Variants in ATP13A2 observed in about 807,000 individuals in gnomAD.
The protein encoded by ATP13A2 is polyamine-transporting ATPase 13A2.
In ATP13A2, 83 loss-of-function variants were observed where a neutral mutation model predicts 138.3. That is an observed-to-expected ratio of 0.60 (90% CI 0.50 to 0.72). The LOEUF is 0.72. ATP13A2 is among the 30% of genes least tolerant of loss of function. ATP13A2 has a pLI of 0.00. For synonymous variants in ATP13A2, 663 were observed against 699.0 expected, an observed-to-expected ratio of 0.95 and a Z score of 0.81; for missense variants, 1,402 against 1,606.4, an observed-to-expected ratio of 0.87 and a Z score of 2.17.
At chr1:16,990,430 C>T (rs2076890423) in intron 20 of ATP13A2, 143 bp from the exon 21 acceptor site, 15 of 1,076,476 alleles carry the variant, frequency 1.4e-5, no homozygotes, top group Middle Eastern at 3.1e-4. Flanking sequence ...ACCAACATCC[C>T]TTTGCCTCAG....
Position 16,991,743 on chromosome 1 carries a change from T to C in ATP13A2, c.2242A>G (p.Met748Val). The stretch of plus-strand genomic sequence containing the variant: ...CTACATGCCATTGTACCTGTCACCA[T>C]GACGGCGCGGATGCGGGTCCTTCGC... ...ALRRTRIRAVMVTGDNLQTAV... is the reference protein window; with the variant it reads ...ALRRTRIRAVVVTGDNLQTAV... The change falls in exon 20 of 29, where the codon ATG becomes GTG. Residue 748 changes from methionine (M) to valine (V), a missense_variant. Transcript: ENST00000326735. 1 of 1,614,152 alleles carries C rather than the reference T, an allele frequency of 6.2e-7. No homozygotes were observed. Among genetic ancestry groups the C allele is most frequent in the Non-Finnish European group, 8.5e-7 (1 of 1,180,040 alleles).
intron 15 of ATP13A2, among the ~76,000 whole-genome samples, chr1:16,994,686 G>A (rs896954468): frequency 6.0e-5 from 9 of 150,670 alleles, no homozygotes; most frequent in South Asian, 2.1e-4. Flanking sequence ...TTTTTGAGAC[G>A]GAGTCTCACT....
At chr1:16,992,217 G>A (rs371240536) in intron 18 of ATP13A2, 26 bp downstream of exon 18, 65 of 1,611,936 alleles carry the variant, frequency 4.0e-5, no homozygotes, top group Non-Finnish European at 5.0e-5. Flanking sequence ...GCCCAACCAG[G>A]GGGACTCAGG....
At position 17,004,974 on chromosome 1, in the gene ATP13A2, T is replaced by C. The variant is rs538980295; in HGVS notation, c.347+40A>G. 42 of 1,612,676 alleles carry C rather than the reference T, an allele frequency of 2.6e-5. 2 individuals carry two copies. In the South Asian group the frequency reaches 4.5e-4, roughly 17 times the overall value. ...GTTGGGGAAGTTGGGGAGGCCAGGG[T>C]AGCAGGGGCTTCTGGGAAGGGGCAA... On this transcript the variant is annotated intron_variant, in intron 4 of 28. Transcript: ENST00000326735. The surrounding 1 kb of genome is among the most constrained non-coding windows in gnomAD (Gnocchi z 4.1).
intron 1 of ATP13A2, among the ~76,000 whole-genome samples, chr1:17,008,777 G>A (rs944787157): frequency 5.3e-5 from 8 of 152,038 alleles, no homozygotes; most frequent in East Asian, 1.9e-4. Context: ...TGGCTAACAC[G>A]GTGAAACCCT....
chr1:17,008,962 A>G (rs2077673560), intron 1 of ATP13A2, among the ~76,000 whole-genome samples: 1 of 151,158 alleles, frequency 6.6e-6, no homozygotes, highest in Non-Finnish European at 1.5e-5. Flanking sequence ...AGACTCAAAA[A>G]AAAAAAAAAA....
Position 17,004,224 on chromosome 1 carries a change from A to G in ATP13A2, c.557+108T>C. 5 of 1,204,394 alleles carry G rather than the reference A, an allele frequency of 4.2e-6. No individual in the cohort carries two copies. Among genetic ancestry groups the G allele is most frequent in the Non-Finnish European group, 4.8e-6 (4 of 831,456 alleles). The allele number at this position is 1,204,394 out of a possible 1,614,324, so 74.6% of individuals were successfully genotyped here. A position where few individuals can be genotyped will look rare whatever the true frequency, so the allele number is the denominator to read the frequency against. On this transcript the variant is annotated intron_variant, in intron 6 of 28. Coordinates refer to ENST00000326735, the MANE Select transcript of ATP13A2 (RefSeq NM_022089.4). This position sits in a 1 kb window ranked among gnomAD's most constrained non-coding sequence, Gnocchi z 4.1. ...AACCTGCCCAAGGTTTCAGACAGCA[A>G]AAGCATCAGAGCTGAGAGGGGAGCC...
rs540833122 is a variant in ATP13A2, at chr1:16,986,703, A to G, written c.3236-71T>C. 6.4e-7 allele frequency: 1 copy of G among 1,569,038 alleles called. No individual in the cohort carries two copies. Among genetic ancestry groups the G allele is most frequent in the East Asian group, 2.3e-5 (1 of 42,676 alleles). On this transcript the variant is annotated intron_variant, in intron 27 of 28. Coordinates refer to ENST00000326735, the MANE Select transcript of ATP13A2 (RefSeq NM_022089.4). The surrounding 1 kb of genome is among the most constrained non-coding windows in gnomAD (Gnocchi z 6.9). ...ACCCACAGACACACGTGTGCACGCC[A>G]GTCTTCCACTCGGCCGGCACCTCTC...
chr1:17,010,205 G>C lies in ATP13A2; in HGVS notation c.10+1524C>G, dbSNP rs533637092. 1.1e-3 allele frequency among the ~76,000 whole-genome samples: 169 copies of C among 151,380 alleles called. 1 individual carries two copies. The highest frequency in any genetic ancestry group is 3.9e-3 in the African/African-American group (161 of 41,262). ...CAATTCTCCTGCCTCAGTTCCTGAA[G>C]TAGCTGAGACTACAGGCACATGCCA... On this transcript the variant is annotated intron_variant, in intron 1 of 28. Transcript: ENST00000326735.
At chr1:17,005,842 A>G in intron 1 of ATP13A2, 64 bp from the exon 2 acceptor site, 1 of 1,490,444 alleles carries the variant, frequency 6.7e-7, no homozygotes, top group Non-Finnish European at 9.2e-7. Flanking sequence ...CCTTAAAAAC[A>G]ATAAACATCA....
At chr1:17,005,199 C>T in intron 3 of ATP13A2, 127 bp from the exon 4 acceptor site, 2 of 1,469,510 alleles carry the variant, frequency 1.4e-6, no homozygotes, top group East Asian at 2.4e-5. Flanking sequence ...CCAGAAACCA[C>T]CCGACCCGTC....
intron 6 of ATP13A2, among the ~76,000 whole-genome samples, chr1:17,003,501 G>A (rs1216147996): frequency 3.3e-5 from 5 of 151,516 alleles, no homozygotes; most frequent in Non-Finnish European, 5.9e-5. Context: ...GAGGTGCAGT[G>A]AGCCGAGAAT....
At position 16,996,075 on chromosome 1, in the gene ATP13A2, C is replaced by T. The variant is rs143517820; in HGVS notation, c.1443G>A (p.Thr481=). The T allele has an allele frequency of 3.7e-5, 60 of 1,613,972 alleles. No individual in the cohort carries two copies. Among genetic ancestry groups the T allele is most frequent in the Non-Finnish European group, 4.4e-5 (52 of 1,180,046 alleles). ...PALPAAMTVC[T]LYAQSRLRRQ... ...TCCGCAGTCGGCTCTGGGCGTAGAGCGTGCACACAGTCATGGCAGCAGGCA... is the reference window on the plus strand; with the variant it reads ...TCCGCAGTCGGCTCTGGGCGTAGAGTGTGCACACAGTCATGGCAGCAGGCA... The change falls in exon 15 of 29, where the codon ACG becomes ACA. Residue 481 remains threonine (T), a synonymous_variant. Transcript: ENST00000326735.
At chr1:16,996,346 G>C (rs769010707) in intron 13 of ATP13A2, 40 bp downstream of exon 13, 13 of 1,613,778 alleles carry the variant, frequency 8.1e-6, no homozygotes, top group Non-Finnish European at 1.0e-5. Context: ...ACCCAGGTGG[G>C]GGGGGCTATG....
Position 17,002,107 on chromosome 1 carries a change from G to C in ATP13A2, c.636-4C>G. 6.2e-7 allele frequency: 1 copy of C among 1,613,310 alleles called. No homozygotes were observed. The highest frequency in any genetic ancestry group is 2.2e-5 in the East Asian group (1 of 44,868). On this transcript the variant is annotated splice_region_variant and splice_polypyrimidine_tract_variant and intron_variant, in intron 7 of 28. Transcript: ENST00000326735. ...GTTGGGGCCGTAAATGGCCTTCCTG[G>C]AAGAGGGGATGAGGCCAAGCCATCA...
intron 1 of ATP13A2, among the ~76,000 whole-genome samples, chr1:17,008,156 T>C (rs1254907055): frequency 6.6e-6 from 1 of 152,056 alleles, no homozygotes; most frequent in Non-Finnish European, 1.5e-5. Flanking sequence ...TGTATAAGTC[T>C]TTTTTTGAGA....
chr1:17,006,664 T>A (rs1053039148), intron 1 of ATP13A2, among the ~76,000 whole-genome samples: 1 of 152,124 alleles, frequency 6.6e-6, no homozygotes, highest in African/African-American at 2.4e-5. Context: ...CATCCAGCCA[T>A]TAGCTTCCTT....
At position 16,986,226 on chromosome 1, in the gene ATP13A2, T is replaced by A. The variant is rs774920921; in HGVS notation, c.3538A>T (p.Arg1180Trp). The A allele has an allele frequency of 3.7e-6, 6 of 1,612,106 alleles. No homozygotes were observed. In the Admixed American group the frequency reaches 8.4e-5, roughly 22 times the overall value. Reference protein sequence around the residue: ...PWPPLPAGPLR With the variant: ...PWPPLPAGPLW ...GGGGTGCCCGTGGGCCTGCACTACC[T>A]CAGGGGGCCGGCGGGCAGCGGCGGC... Residue 1180 changes from arginine (R) to tryptophan (W), a missense_variant, in exon 29 of 29, where the codon AGG (arginine) becomes TGG (tryptophan). By Grantham distance (101) the Arg-to-Trp change is moderately radical. Transcript: ENST00000326735. This position sits in a 1 kb window ranked among gnomAD's most constrained non-coding sequence, Gnocchi z 6.9.
chr1:16,997,451 C>T (rs907347635), intron 11 of ATP13A2, among the ~76,000 whole-genome samples: 1 of 113,042 alleles, frequency 8.8e-6, no homozygotes, highest in Non-Finnish European at 1.8e-5. Flanking sequence ...GTGTGGGCAT[C>T]ATGTGTGCAG....
Sources: allele counts gnomAD v4.1 joint callset (sites outside exome capture counted in the v4.1 genomes callset), GRCh38; gene constraint gnomAD v4.1.1; non-coding constraint Gnocchi (gnomAD v3.1); transcripts MANE v1.5; gene names NCBI Gene and HGNC (gene_info 2026-07-23, HGNC 2026-07-21).